Variants in SGCD observed in about 807,000 individuals in gnomAD.
SGCD encodes the protein delta-sarcoglycan.
Under a neutral mutation model 36.6 loss-of-function variants are expected in SGCD, and 18 were observed. The ratio of observed to expected loss-of-function variants is 0.49; its 90% CI spans 0.34 to 0.73. SGCD has a LOEUF of 0.73. Ranked by LOEUF, SGCD falls within the 30% of genes least tolerant of loss-of-function variation. The pLI is 0.01. For synonymous variants in SGCD, 133 were observed against 130.6 expected (o/e 1.02, Z -0.12); for missense variants, 387 against 346.7 (o/e 1.12, Z -0.92).
At chr5:155,779,021 G>T in the SGCD span, among the ~76,000 whole-genome samples, 1 of 152,070 alleles carries the variant, frequency 6.6e-6, no homozygotes, top group Non-Finnish European at 1.5e-5. Context: ...AAATTGTATT[G>T]CCATCTCTGT....
chr5:156,476,003 T>C (rs998969818), intron 3 of SGCD, among the ~76,000 whole-genome samples: 1 of 152,230 alleles, frequency 6.6e-6, no homozygotes, highest in African/African-American at 2.4e-5. Context: ...AATTGTCTGC[T>C]TTGTTTTGAC....
chr5:156,419,258 G>C (rs1407195303), intron 3 of SGCD, among the ~76,000 whole-genome samples: 1 of 152,138 alleles, frequency 6.6e-6, no homozygotes, highest in Non-Finnish European at 1.5e-5. Flanking sequence ...AACAGCAAGA[G>C]ATGTATTTAT....
intron 1 of SGCD, among the ~76,000 whole-genome samples, chr5:155,935,822 C>T (rs189167060): frequency 1.5e-4 from 23 of 152,304 alleles, no homozygotes; most frequent in African/African-American, 5.1e-4. Context: ...ACTTGGCTCA[C>T]GCTACCAGCA....
intron 3 of SGCD, among the ~76,000 whole-genome samples, chr5:156,397,040 G>A (rs1771893411): frequency 6.6e-6 from 1 of 152,154 alleles, no homozygotes; most frequent in Non-Finnish European, 1.5e-5. Context: ...ATTTCTAGGA[G>A]GTTAAAGGGT....
intron 1 of SGCD, among the ~76,000 whole-genome samples, chr5:155,993,537 G>A (rs1758478790): frequency 6.6e-6 from 1 of 151,928 alleles, no homozygotes; most frequent in African/African-American, 2.4e-5. Flanking sequence ...TAGAGATGGA[G>A]TTTCGCTACA....
intron 1 of SGCD, among the ~76,000 whole-genome samples, chr5:155,983,448 C>T (rs181480240): frequency 3.3e-5 from 5 of 152,140 alleles, no homozygotes; most frequent in South Asian, 2.1e-4. Flanking sequence ...AACAGGTGCA[C>T]GCCACCATGC....
intron 3 of SGCD, among the ~76,000 whole-genome samples, chr5:156,346,778 C>CTTTTTTTTT (rs138672769): frequency 6.6e-6 from 1 of 150,700 alleles, no homozygotes; most frequent in Non-Finnish European, 1.5e-5. Context: ...TTGGGCTTTA[C>CTTTTTTTTT]TTTATTTTTT....
chr5:156,603,661 A>C (rs1761292846), intron 6 of SGCD, among the ~76,000 whole-genome samples: 1 of 151,830 alleles, frequency 6.6e-6, no homozygotes, highest in African/African-American at 2.4e-5. Context: ...TTTTAATTTC[A>C]TTGTTAACTT....
intron 3 of SGCD, among the ~76,000 whole-genome samples, chr5:156,124,714 T>A (rs1390243712): frequency 2.0e-5 from 3 of 152,060 alleles, no homozygotes; most frequent in African/African-American, 7.2e-5. Context: ...CACATGTGTA[T>A]ATGCATATAT....
At chr5:156,448,340 A>G (rs1753835938) in intron 3 of SGCD, among the ~76,000 whole-genome samples, 1 of 152,192 alleles carries the variant, frequency 6.6e-6, no homozygotes, top group Non-Finnish European at 1.5e-5. Context: ...AAGTCTGCAC[A>G]AGGTAAAATG....
At chr5:155,914,477 A>C (rs1756696616) in intron 1 of SGCD, among the ~76,000 whole-genome samples, 1 of 152,130 alleles carries the variant, frequency 6.6e-6, no homozygotes, top group African/African-American at 2.4e-5. Flanking sequence ...CCAGTACTAG[A>C]AGTGTAATAA....
At position 156,131,417 on chromosome 5, in the gene SGCD, A is replaced by C; in HGVS notation, c.-44+7398A>C. Among the ~76,000 whole-genome samples, 2 of 152,226 alleles carry C rather than the reference A, an allele frequency of 1.3e-5. 1 individual carries two copies. Among genetic ancestry groups the C allele is most frequent in the Admixed American group, 1.3e-4 (2 of 15,292 alleles). ...AACAAAGTAAGGATTAAATAAAATT[A>C]TGCTGCTAAAAAACTAATATGTGAT... is the stretch of plus-strand genomic sequence containing the variant. On this transcript the variant is annotated intron_variant, in intron 3 of 9. Coordinates refer to the SGCD transcript ENST00000517913.
chr5:156,313,000 T>A (rs1006445324), intron 3 of SGCD, among the ~76,000 whole-genome samples: 1 of 152,126 alleles, frequency 6.6e-6, no homozygotes, highest in East Asian at 1.9e-4. Context: ...ATATTTGTTT[T>A]GTTTTGTTTT....
At chr5:156,280,749 GA>G (rs1454053257) in intron 3 of SGCD, among the ~76,000 whole-genome samples, 13 of 152,196 alleles carry the variant, frequency 8.5e-5, no homozygotes, top group African/African-American at 3.1e-4. Context: ...CACAGAGGGG[GA>G]AAGTTTCAGT....
At chr5:155,820,052 C>G in the SGCD span, among the ~76,000 whole-genome samples, 1 of 152,074 alleles carries the variant, frequency 6.6e-6, no homozygotes, top group African/African-American at 2.4e-5. Context: ...TAGTATATTG[C>G]AAGACCAGAA....
At chr5:155,942,995 G>T (rs1019290230) in intron 1 of SGCD, among the ~76,000 whole-genome samples, 7 of 152,148 alleles carry the variant, frequency 4.6e-5, no homozygotes, top group African/African-American at 1.7e-4. Flanking sequence ...CCACATAACA[G>T]ATTTAAAAAG....
At chr5:156,041,572 T>A (rs1214870459) in intron 1 of SGCD, among the ~76,000 whole-genome samples, 2 of 152,176 alleles carry the variant, frequency 1.3e-5, no homozygotes, top group African/African-American at 4.8e-5. Flanking sequence ...TTATCATTCA[T>A]CCATCAACCA....
chr5:156,559,958 T>C (rs1248440994), intron 4 of SGCD, among the ~76,000 whole-genome samples: 1 of 152,180 alleles, frequency 6.6e-6, no homozygotes, highest in African/African-American at 2.4e-5. Flanking sequence ...TCTTTATATT[T>C]TTCCCTCCAA....
the SGCD span, among the ~76,000 whole-genome samples, chr5:155,801,713 G>A: frequency 6.6e-6 from 1 of 152,192 alleles, no homozygotes; most frequent in East Asian, 1.9e-4. Flanking sequence ...ATTAATAGCT[G>A]TAAGTTACCA....
Sources: allele counts gnomAD v4.1 joint callset (sites outside exome capture counted in the v4.1 genomes callset), GRCh38; gene constraint gnomAD v4.1.1; transcripts MANE v1.5; gene names NCBI Gene and HGNC (gene_info 2026-07-23, HGNC 2026-07-21).